NRIP1: variants seen among roughly 807,000 people sequenced by gnomAD.
The protein encoded by NRIP1 is nuclear receptor interacting protein 1.
A neutral mutation model predicts 75.0 loss-of-function variants in NRIP1; 28 were observed. That is an observed-to-expected ratio of 0.37 (90% CI 0.28 to 0.51). The LOEUF is 0.51. NRIP1 is among the 20% of genes least tolerant of loss of function. The pLI is 0.92. For synonymous variants in NRIP1, 526 were observed against 487.6 expected (o/e 1.08, Z -1.04); for missense variants, 1,435 against 1,343.7 (o/e 1.07, Z -1.06).
intron 2 of NRIP1, among the ~76,000 whole-genome samples, chr21:15,030,196 G>C (rs1390219637): frequency 6.6e-6 from 1 of 152,204 alleles, no homozygotes; most frequent in Non-Finnish European, 1.5e-5. Context: ...GTAGAAAACA[G>C]AAAATACCAT....
At chr21:14,979,247 C>G (rs2087163976) in intron 3 of NRIP1, among the ~76,000 whole-genome samples, 1 of 152,168 alleles carries the variant, frequency 6.6e-6, no homozygotes, top group South Asian at 2.1e-4. Context: ...TATCAGTTTT[C>G]AAGAGCATAA....
rs1211153794 is a variant in NRIP1, at chr21:15,024,211, A to G, written c.-457-9745T>C. On this transcript the variant is annotated intron_variant, in intron 2 of 3. Transcript: ENST00000318948. Reference sequence around the variant, plus strand: ...AAACTTCATTCATCAAAAATACAACAGAAGATGAAAAATGAACAACACCAT... The same window carrying G: ...AAACTTCATTCATCAAAAATACAACGGAAGATGAAAAATGAACAACACCAT... Among the ~76,000 whole-genome samples the G allele has an allele frequency of 2.6e-5, 4 of 152,230 alleles. 1 individual carries two copies. Among genetic ancestry groups the G allele is most frequent in the Admixed American group, 2.6e-4 (4 of 15,286 alleles).
Position 14,963,887 on chromosome 21 carries a change from T to A in NRIP1, c.*829A>T, listed in dbSNP as rs1311906273. On this transcript the variant is annotated 3_prime_UTR_variant, in exon 4 of 4. Transcript: ENST00000318948. ...CTGTCCAAAGAAAAGCCATTTTGCT[T>A]CTGTTAAAAACAATTTCTTAAATAT... 1 of 152,528 alleles carries A rather than the reference T, an allele frequency of 6.6e-6. No individual in the cohort carries two copies. Among genetic ancestry groups the A allele is most frequent in the Non-Finnish European group, 1.5e-5 (1 of 68,018 alleles). 9.4% of individuals were successfully genotyped at this position (152,528 alleles called of 1,614,324 possible). A position where few individuals can be genotyped will look rare whatever the true frequency, so the allele number is the denominator to read the frequency against.
At chr21:15,044,783 A>C (rs1359777196) in intron 1 of NRIP1, among the ~76,000 whole-genome samples, 1 of 152,182 alleles carries the variant, frequency 6.6e-6, no homozygotes, top group Non-Finnish European at 1.5e-5. Flanking sequence ...ATACTTCCCC[A>C]AAATCCAGCT....
chr21:15,024,773 T>C (rs1477503395), intron 2 of NRIP1, among the ~76,000 whole-genome samples: 2 of 152,142 alleles, frequency 1.3e-5, no homozygotes, highest in Non-Finnish European at 2.9e-5. Context: ...ATTGTTCTTG[T>C]TATTGTATGT....
At chr21:14,982,741 G>A (rs1165423001) in intron 3 of NRIP1, among the ~76,000 whole-genome samples, 1 of 147,644 alleles carries the variant, frequency 6.8e-6, no homozygotes, top group South Asian at 2.1e-4. Context: ...TACAATCTAA[G>A]GATTTGTGGC....
chr21:14,966,643 G>A lies in NRIP1; in HGVS notation c.1550C>T (p.Thr517Ile), dbSNP rs749972794. The A allele has an allele frequency of 2.5e-6, 4 of 1,614,104 alleles. No individual in the cohort carries two copies. Among genetic ancestry groups the A allele is most frequent in the Non-Finnish European group, 3.4e-6 (4 of 1,179,970 alleles). The change falls in exon 4 of 4, where the codon ACC (threonine) becomes ATC (isoleucine). Residue 517 changes from threonine to isoleucine, a missense_variant. By Grantham distance (89) the Thr-to-Ile change is moderately conservative (BLOSUM62 -1). Coordinates refer to ENST00000318948, the MANE Select transcript of NRIP1 (RefSeq NM_003489.4). ...ATCATTGTGTACTCCCTGAGGGCTG[G>A]TGTTTTTTTCTACATTTTCTTCATT... ...HKNEENVEKN[T>I]SPQGVHNDVS... is the part of the protein sequence containing the mutation.
intron 3 of NRIP1, among the ~76,000 whole-genome samples, chr21:15,003,388 T>TA (rs1198079813): frequency 2.6e-5 from 4 of 151,964 alleles, no homozygotes; most frequent in African/African-American, 4.8e-5. Context: ...TTCTATTTCT[T>TA]AAAAAAAATC....
chr21:15,029,402 T>A (rs551912003), intron 2 of NRIP1, among the ~76,000 whole-genome samples: 1 of 152,140 alleles, frequency 6.6e-6, no homozygotes, highest in East Asian at 1.9e-4. Flanking sequence ...ACCCTCCGAG[T>A]AAGGCCTTCC....
chr21:14,964,712 C>A lies in NRIP1; in HGVS notation c.*4G>T. ...AAGATCCAAAACTGGATGGCAGGTA[C>A]ATTTTATTCTGATTCTTTCTTTATC... is the stretch of plus-strand genomic sequence containing the variant. On this transcript the variant is annotated 3_prime_UTR_variant, in exon 4 of 4. Coordinates refer to ENST00000318948, the MANE Select transcript of NRIP1 (RefSeq NM_003489.4). 1 of 1,524,522 alleles carries A rather than the reference C, an allele frequency of 6.6e-7. No individual in the cohort carries two copies. The highest frequency in any genetic ancestry group is 8.8e-7 in the Non-Finnish European group (1 of 1,140,628). The allele number at this position is 1,524,522 out of a possible 1,614,324, so 94.4% of individuals were successfully genotyped here. A position where few individuals can be genotyped will look rare whatever the true frequency, so the allele number is the denominator to read the frequency against.
At chr21:14,979,705 G>A (rs751164462) in intron 3 of NRIP1, among the ~76,000 whole-genome samples, 3 of 151,894 alleles carry the variant, frequency 2.0e-5, no homozygotes, top group African/African-American at 7.3e-5. Context: ...TAATAGCGAC[G>A]GGGTTTTACC....
At chr21:15,053,797 T>C (rs2089250823) in intron 1 of NRIP1, among the ~76,000 whole-genome samples, 1 of 152,102 alleles carries the variant, frequency 6.6e-6, no homozygotes, top group African/African-American at 2.4e-5. Flanking sequence ...CCAAAAGAAA[T>C]ATACTGTCAA....
At position 14,964,751 on chromosome 21, in the gene NRIP1, C is replaced by T; in HGVS notation, c.3442G>A (p.Gly1148Arg). Residue 1148 changes from glycine (G) to arginine (R), a missense_variant, in exon 4 of 4, where the codon GGA becomes AGA. Gly to Arg is a moderately radical substitution (Grantham distance 125). Coordinates refer to ENST00000318948, the MANE Select transcript of NRIP1 (RefSeq NM_003489.4). ...SANGEVYGLLGSVLTIKKESE is the reference protein window; with the variant it reads ...SANGEVYGLLRSVLTIKKESE ...TCTTTCTTTATCGTTAGCACGCTTCCCAGAAGTCCATAAACTTCTCCATTT... is the reference window on the plus strand; with the variant it reads ...TCTTTCTTTATCGTTAGCACGCTTCTCAGAAGTCCATAAACTTCTCCATTT... 6.4e-7 allele frequency: 1 copy of T among 1,572,728 alleles called. No homozygotes were observed. The highest frequency in any genetic ancestry group is 1.2e-5 in the South Asian group (1 of 83,290).
Position 15,049,085 on chromosome 21 carries a change from A to G in NRIP1, c.-537-5511T>C, listed in dbSNP as rs188489931. 3.9e-5 allele frequency among the ~76,000 whole-genome samples: 6 copies of G among 152,306 alleles called. No individual in the cohort carries two copies. In the East Asian group the frequency reaches 1.2e-3, roughly 29 times the overall value. ...AATTAATCTGCCTAAATAAAGAACA[A>G]TTCTATACCCTAATAGCATTTAGAA... On this transcript the variant is annotated intron_variant, in intron 1 of 3. Coordinates refer to ENST00000318948, the MANE Select transcript of NRIP1 (RefSeq NM_003489.4).
Position 15,014,650 on chromosome 21 carries a change from G to A in NRIP1, c.-457-184C>T, listed in dbSNP as rs972820023. 7.2e-5 allele frequency among the ~76,000 whole-genome samples: 11 copies of A among 152,198 alleles called. 1 individual carries two copies. In the South Asian group the frequency reaches 2.1e-3, roughly 29 times the overall value. On this transcript the variant is annotated intron_variant, in intron 2 of 3. Transcript: ENST00000318948. ...CATTAACAGAAAGCAATAGATCTCT[G>A]CTTTCTAGGTAATAATCGATAAAAG... is the stretch of plus-strand genomic sequence containing the variant.
intron 2 of NRIP1, among the ~76,000 whole-genome samples, chr21:15,041,402 T>C (rs2088951486): frequency 6.6e-6 from 1 of 152,134 alleles, no homozygotes. Flanking sequence ...ACTCAGACTA[T>C]ACTTACATAA....
At chr21:14,999,175 CT>C (rs2087797425) in intron 3 of NRIP1, among the ~76,000 whole-genome samples, 1 of 151,982 alleles carries the variant, frequency 6.6e-6, no homozygotes, top group Non-Finnish European at 1.5e-5. Flanking sequence ...TAGGGTCTTA[CT>C]ATGGTGCCCA....
At chr21:15,045,097 T>C (rs1445586431) in intron 1 of NRIP1, among the ~76,000 whole-genome samples, 1 of 152,210 alleles carries the variant, frequency 6.6e-6, no homozygotes, top group Non-Finnish European at 1.5e-5. Context: ...CAGTTCTTCA[T>C]CAGTAAGACT....
intron 1 of NRIP1, among the ~76,000 whole-genome samples, chr21:15,046,498 C>T (rs2089078545): frequency 6.6e-6 from 1 of 152,194 alleles, no homozygotes; most frequent in Non-Finnish European, 1.5e-5. Flanking sequence ...TCCATTTATA[C>T]AGCATAGGTA....
Sources: allele counts gnomAD v4.1 joint callset (sites outside exome capture counted in the v4.1 genomes callset), GRCh38; gene constraint gnomAD v4.1.1; transcripts MANE v1.5; gene names NCBI Gene and HGNC (gene_info 2026-07-23, HGNC 2026-07-21).